Variants in KYNU observed in about 807,000 individuals in gnomAD.
KYNU encodes L-kynurenine hydrolase.
A neutral mutation model predicts 59.2 loss-of-function variants in KYNU; 54 were observed. The observed-to-expected ratio is 0.91, with a 90% confidence interval of 0.73 to 1.14. KYNU has a LOEUF of 1.14. Among genes scored for constraint, KYNU ranks in the 50% most tolerant of loss-of-function variants. The pLI, the probability that KYNU is intolerant of heterozygous loss-of-function variation, is 0.00. For synonymous variants in KYNU, 177 were observed against 192.0 expected, an observed-to-expected ratio of 0.92 and a Z score of 0.65; for missense variants, 567 against 554.4, an observed-to-expected ratio of 1.02 and a Z score of -0.23.
intron 8 of KYNU, among the ~76,000 whole-genome samples, chr2:142,984,120 A>G (rs1442287042): frequency 6.6e-6 from 1 of 152,058 alleles, no homozygotes; most frequent in Non-Finnish European, 1.5e-5. Context: ...TTATATTAAA[A>G]TTCATTGACT....
intron 10 of KYNU, among the ~76,000 whole-genome samples, chr2:143,020,043 C>T (rs1174595421): frequency 2.0e-5 from 3 of 151,244 alleles, no homozygotes; most frequent in Admixed American, 2.0e-4. Flanking sequence ...AAAAGTTTGC[C>T]AATTTTGTTT....
intron 10 of KYNU, among the ~76,000 whole-genome samples, chr2:143,026,987 G>GT (rs1193322290): frequency 6.6e-6 from 1 of 152,186 alleles, no homozygotes. Context: ...ATGGGGCGGG[G>GT]TGGGGCCATG....
intron 7 of KYNU, among the ~76,000 whole-genome samples, chr2:142,958,966 ATTCTT>A (rs150179297): frequency 0.066 from 10,022 of 152,156 alleles, 483 homozygotes; most frequent in Non-Finnish European, 0.088. Context: ...AATTAATGAC[ATTCTT>A]TTCTTTATAT....
At chr2:143,019,081 G>A (rs1316679226) in intron 10 of KYNU, among the ~76,000 whole-genome samples, 3 of 151,946 alleles carry the variant, frequency 2.0e-5, no homozygotes, top group Non-Finnish European at 2.9e-5. Flanking sequence ...CATCAGTTAA[G>A]AGAGATAATT....
rs1417265906 is a variant in KYNU, at chr2:143,052,643, G to A, written c.*10471G>A. The stretch of plus-strand genomic sequence containing the variant: ...CCCAAGTCTTGGCAGCTTCCATATG[G>A]TGTTGAGCCTGGGTTCACAGAAGTC... On this transcript the variant is annotated 3_prime_UTR_variant, in exon 14 of 14. Transcript: ENST00000264170. The A allele has an allele frequency of 1.3e-5, 2 of 152,250 alleles. No homozygotes were observed. Among genetic ancestry groups the A allele is most frequent in the African/African-American group, 2.4e-5 (1 of 41,458 alleles). The allele number at this position is 152,250 out of a possible 1,614,324, so 9.4% of individuals were successfully genotyped here.
chr2:142,889,763 G>T (rs1222268804), intron 2 of KYNU, among the ~76,000 whole-genome samples: 1 of 152,076 alleles, frequency 6.6e-6, no homozygotes, highest in Non-Finnish European at 1.5e-5. Flanking sequence ...ATTATTTTTG[G>T]AGACTAGCAT....
intron 3 of KYNU, among the ~76,000 whole-genome samples, chr2:142,921,643 AC>A (rs562826587): frequency 4.9e-4 from 74 of 152,220 alleles, no homozygotes; most frequent in African/African-American, 1.7e-3. Context: ...TCTCAACTCT[AC>A]AAAAAAATAC....
chr2:143,055,030 A>ACT lies in KYNU; in HGVS notation c.*12858_*12859insCT, dbSNP rs1687330978. The ACT allele has an allele frequency of 6.6e-6, 1 of 152,090 alleles. No homozygotes were observed. The highest frequency in any genetic ancestry group is 1.5e-5 in the Non-Finnish European group (1 of 68,030). 9.4% of individuals were successfully genotyped at this position (152,090 alleles called of 1,614,324 possible). A position where few individuals can be genotyped will look rare whatever the true frequency, so the allele number is the denominator to read the frequency against. The stretch of plus-strand genomic sequence containing the variant: ...ATTCATATTTCTATATATATATACC[A>ACT]AGTACATAGGAGTGAAATAATACAA... On this transcript the variant is annotated 3_prime_UTR_variant, in exon 14 of 14. Coordinates refer to ENST00000264170, the MANE Select transcript of KYNU (RefSeq NM_003937.3).
intron 2 of KYNU, among the ~76,000 whole-genome samples, chr2:142,910,554 CTGTGCAG>C (rs1682449160): frequency 1.3e-5 from 2 of 152,074 alleles, no homozygotes; most frequent in African/African-American, 4.8e-5. Flanking sequence ...GTTTCTTTTG[CTGTGCAG>C]AAGCTCTTTA....
At chr2:142,957,215 A>C (rs999408227) in intron 6 of KYNU, among the ~76,000 whole-genome samples, 3 of 152,180 alleles carry the variant, frequency 2.0e-5, no homozygotes, top group African/African-American at 7.2e-5. Context: ...ATCCACATGC[A>C]TATCTGGTAC....
chr2:142,880,216 C>T (rs533425485), intron 1 of KYNU, among the ~76,000 whole-genome samples: 1 of 152,150 alleles, frequency 6.6e-6, no homozygotes, highest in African/African-American at 2.4e-5. Context: ...TAGGGTAGAA[C>T]AGCAACTCAG....
intron 8 of KYNU, among the ~76,000 whole-genome samples, chr2:142,984,627 C>T (rs1023400010): frequency 6.6e-6 from 1 of 152,002 alleles, no homozygotes; most frequent in East Asian, 1.9e-4. Flanking sequence ...GTACTTCCCA[C>T]ACTCAACATT....
At chr2:142,968,120 G>T (rs750266603) in intron 8 of KYNU, among the ~76,000 whole-genome samples, 1 of 152,056 alleles carries the variant, frequency 6.6e-6, no homozygotes, top group Admixed American at 6.6e-5. Flanking sequence ...TGTCGCTATT[G>T]TTTCTATAGT....
At chr2:143,001,190 G>T (rs1447915527) in intron 10 of KYNU, among the ~76,000 whole-genome samples, 1 of 152,038 alleles carries the variant, frequency 6.6e-6, no homozygotes, top group East Asian at 1.9e-4. Context: ...TTAGACAAAG[G>T]CATGAACACT....
At chr2:142,964,664 A>C (rs988673788) in intron 8 of KYNU, 1 of 152,168 alleles carries the variant, frequency 6.6e-6, no homozygotes, top group Admixed American at 6.6e-5. Flanking sequence ...TGGTATAGAA[A>C]TTGATTTTGA....
chr2:142,974,148 T>C (rs1684821447), intron 8 of KYNU, among the ~76,000 whole-genome samples: 1 of 152,180 alleles, frequency 6.6e-6, no homozygotes, highest in East Asian at 1.9e-4. Context: ...ATTCCAAGGA[T>C]AAGTACATGC....
chr2:142,936,010 G>A (rs778922954), intron 4 of KYNU, among the ~76,000 whole-genome samples: 2 of 152,134 alleles, frequency 1.3e-5, no homozygotes, highest in Non-Finnish European at 2.9e-5. Flanking sequence ...TGACTGAGAA[G>A]ACAACGAACG....
chr2:143,051,399 C>A lies in KYNU; in HGVS notation c.*9227C>A, dbSNP rs898226866. On this transcript the variant is annotated 3_prime_UTR_variant, in exon 14 of 14. Coordinates refer to ENST00000264170, the MANE Select transcript of KYNU (RefSeq NM_003937.3). Reference sequence around the variant, plus strand: ...AGGAAGAGTGCTCATTTTAATTGAGCTGATCATGTTTCTAGGATTTTTTAG... The same window carrying A: ...AGGAAGAGTGCTCATTTTAATTGAGATGATCATGTTTCTAGGATTTTTTAG... 10 of 151,844 alleles carry A rather than the reference C, an allele frequency of 6.6e-5. No individual in the cohort carries two copies. The highest frequency in any genetic ancestry group is 2.4e-4 in the African/African-American group (10 of 41,342). 9.4% of individuals were successfully genotyped at this position (151,844 alleles called of 1,614,324 possible).
chr2:142,950,524 C>A (rs1683953243), intron 4 of KYNU, among the ~76,000 whole-genome samples: 1 of 151,182 alleles, frequency 6.6e-6, no homozygotes, highest in Non-Finnish European at 1.5e-5. Flanking sequence ...TAGGGAAACT[C>A]CCATTTTTAA....
Sources: gnomAD v4.1 joint callset for allele counts (sites outside exome capture counted in the v4.1 genomes callset) on GRCh38, gnomAD v4.1.1 for gene constraint, MANE v1.5 for transcripts, NCBI Gene and HGNC (gene_info 2026-07-23, HGNC 2026-07-21) for gene names.